SGCA: variants seen among roughly 807,000 people sequenced by gnomAD.
The protein encoded by SGCA is sarcoglycan alpha, also known as alpha-sarcoglycan.
Under a neutral mutation model 38.1 loss-of-function variants are expected in SGCA, and 34 were observed. That is an observed-to-expected ratio of 0.89 (90% CI 0.68 to 1.19). The LOEUF (loss-of-function observed/expected upper bound fraction) is 1.19, where lower values mean the gene tolerates loss of function less well. Ranked by LOEUF, SGCA falls within the 50% of genes most tolerant of loss-of-function variation. The probability of loss-of-function intolerance (pLI) is 0.00; values close to 1 mark genes in which losing one functional copy is unlikely to be tolerated. For missense variants in SGCA, 476 were observed against 524.9 expected, an observed-to-expected ratio of 0.91 and a Z score of 0.91; for synonymous variants, 209 against 214.6, an observed-to-expected ratio of 0.97 and a Z score of 0.23.
intron 8 of SGCA, among the ~76,000 whole-genome samples, chr17:50,173,873 G>T (rs987558210): frequency 2.0e-5 from 3 of 152,194 alleles, no homozygotes; most frequent in Admixed American, 2.0e-4. Flanking sequence ...GGTCTTTTCT[G>T]CAGTCTAAAC....
rs368522117 is a variant in SGCA, at chr17:50,170,664, C to T, written c.981C>T (p.Ser327=). Residue 327 remains serine (S), a splice_region_variant and synonymous_variant, in exon 8 of 10, where the codon TCC becomes TCT. Coordinates refer to ENST00000262018, the MANE Select transcript of SGCA (RefSeq NM_000023.4). ...GGCTGAAGAGAGACCTGGCTACCTCCGAGTGAGTAAAGGAAAGCTGGGGGT... is the reference window on the plus strand; with the variant it reads ...GGCTGAAGAGAGACCTGGCTACCTCTGAGTGAGTAAAGGAAAGCTGGGGGT... ...EGRLKRDLAT[S]DIQMVHHCTI... 82 of 1,560,020 alleles carry T rather than the reference C, an allele frequency of 5.3e-5. No individual in the cohort carries two copies. Among genetic ancestry groups the T allele is most frequent in the African/African-American group, 2.9e-4 (21 of 73,588 alleles).
intron 1 of SGCA, among the ~76,000 whole-genome samples, chr17:50,166,819 T>TCA (rs141068814): frequency 0.058 from 3,207 of 55,418 alleles, 211 homozygotes; most frequent in African/African-American, 0.094. Flanking sequence ...ACACACACCG[T>TCA]CACACACACA....
At chr17:50,172,392 G>A (rs1389222429) in intron 8 of SGCA, 1 of 429,398 alleles carries the variant, frequency 2.3e-6, no homozygotes, top group Non-Finnish European at 4.8e-6. Context: ...GTGTCCTGGG[G>A]AGGAGGGCTG....
At chr17:50,169,332 C>G in intron 6 of SGCA, 78 bp downstream of exon 6, 1 of 1,269,158 alleles carries the variant, frequency 7.9e-7, no homozygotes, top group Non-Finnish European at 1.1e-6. Context: ...CATGCTGCTT[C>G]CTATCTCCGT....
At chr17:50,173,444 C>A (rs898160066) in intron 8 of SGCA, among the ~76,000 whole-genome samples, 1 of 75,410 alleles carries the variant, frequency 1.3e-5, no homozygotes, top group African/African-American at 3.2e-5. Flanking sequence ...GGAATGCCTG[C>A]CGTTTGTCTG....
chr17:50,172,427 T>G (rs1482756158), intron 8 of SGCA: 1 of 402,538 alleles, frequency 2.5e-6, no homozygotes, highest in Non-Finnish European at 5.1e-6. Context: ...ACAGCGGGCC[T>G]GCACGGTGCG....
At chr17:50,172,139 C>T (rs759406401) in intron 8 of SGCA, 10 of 456,656 alleles carry the variant, frequency 2.2e-5, no homozygotes, top group South Asian at 6.2e-5. Context: ...TCCTGGTCCT[C>T]GCTGAGGCTT....
In SGCA at chr17:50,169,595, G is replaced by A. The variant is rs141198630; in HGVS notation, c.747+341G>A. 4.2e-4 allele frequency: 150 copies of A among 359,294 alleles called. 1 individual carries two copies. The highest frequency in any genetic ancestry group is 2.3e-3 in the African/African-American group (111 of 48,810). The allele number at this position is 359,294 out of a possible 1,614,324, so 22.3% of individuals were successfully genotyped here. On this transcript the variant is annotated intron_variant, in intron 6 of 9. Coordinates refer to ENST00000262018, the MANE Select transcript of SGCA (RefSeq NM_000023.4). ...CCCTTTCCCTACCAAGGGCCTCTGC[G>A]TGACAGCTCTGTCTGCTTTTCTGTA...
intron 8 of SGCA, chr17:50,171,914 C>T (rs767590288): frequency 5.9e-5 from 27 of 456,642 alleles, no homozygotes; most frequent in Non-Finnish European, 1.0e-4. Flanking sequence ...GGCACAGGTG[C>T]GTTGCCCAGT....
rs911587929 is a variant in SGCA, at chr17:50,169,490, G to A, written c.747+236G>A. The stretch of plus-strand genomic sequence containing the variant: ...CCCCCACAAGAGGGCAACAGAGTCC[G>A]CAATCCGCATGTGGGGTCTCCAACT... On this transcript the variant is annotated intron_variant, in intron 6 of 9. Transcript: ENST00000262018. 6.3e-5 allele frequency: 35 copies of A among 551,566 alleles called. No individual in the cohort carries two copies. The East Asian group carries it at 6.4e-4, about 10-fold the overall frequency. 34.2% of individuals were successfully genotyped at this position (551,566 alleles called of 1,614,324 possible). A position where few individuals can be genotyped will look rare whatever the true frequency, so the allele number is the denominator to read the frequency against.
intron 6 of SGCA, chr17:50,169,569 A>C: frequency 2.5e-6 from 1 of 402,260 alleles, no homozygotes; most frequent in South Asian, 3.5e-5. Flanking sequence ...CAGTTCCCAA[A>C]CCCTTTCCCT....
intron 8 of SGCA, chr17:50,172,088 A>G (rs1334163966): frequency 2.2e-6 from 1 of 454,484 alleles, no homozygotes; most frequent in South Asian, 1.6e-5. Flanking sequence ...GGAAGTCTCC[A>G]CTGGGCTGCC....
rs1905045966 is a variant in SGCA at position 50,167,785 on chromosome 17, T to A, written c.312+49T>A. The A allele has an allele frequency of 6.3e-7, 1 of 1,594,090 alleles. No individual in the cohort carries two copies. Among genetic ancestry groups the A allele is most frequent in the African/African-American group, 1.3e-5 (1 of 74,306 alleles). On this transcript the variant is annotated intron_variant, in intron 3 of 9. Coordinates refer to ENST00000262018, the MANE Select transcript of SGCA (RefSeq NM_000023.4). This position sits in a 1 kb window ranked among gnomAD's most constrained non-coding sequence, Gnocchi z 4.5. ...ATCACAGGGGTGGGCCAGAGTGGCC[T>A]CCTAGGAGCAGCCCTATGAATTGGG...
intron 4 of SGCA, 84 bp from the exon 5 acceptor site, chr17:50,168,290 G>A: frequency 8.3e-7 from 1 of 1,207,090 alleles, no homozygotes; most frequent in South Asian, 1.3e-5. Flanking sequence ...GGGTGTGCAG[G>A]GATGTGGGGA....
chr17:50,169,085 G>A lies in SGCA; in HGVS notation c.585-7G>A, dbSNP rs759387828. 1 of 1,613,642 alleles carries A rather than the reference G, an allele frequency of 6.2e-7. No homozygotes were observed. ...CTCTGCTGACAGTGACTTCTATCTGGTCCCAGGGTATACATTAAGGTGGGT... is the reference window on the plus strand; with the variant it reads ...CTCTGCTGACAGTGACTTCTATCTGATCCCAGGGTATACATTAAGGTGGGT... On this transcript the variant is annotated splice_region_variant and splice_polypyrimidine_tract_variant and intron_variant, in intron 5 of 9. Coordinates refer to ENST00000262018, the MANE Select transcript of SGCA (RefSeq NM_000023.4).
chr17:50,175,673 C>G (rs1376645639), intron 9 of SGCA, 39 bp from the exon 10 acceptor site: 3 of 679,228 alleles, frequency 4.4e-6, no homozygotes, highest in Non-Finnish European at 5.4e-6. Flanking sequence ...GGAGAACCAG[C>G]ATCTGGCCCT....
At chr17:50,166,697 C>T (rs1904840627) in intron 1 of SGCA, among the ~76,000 whole-genome samples, 1 of 148,130 alleles carries the variant, frequency 6.8e-6, no homozygotes, top group Admixed American at 6.7e-5. Flanking sequence ...CCCTCACACA[C>T]ACCCTCACGG....
intron 6 of SGCA, 105 bp downstream of exon 6, chr17:50,169,359 G>T (rs746842113): frequency 1.0e-6 from 1 of 1,004,160 alleles, no homozygotes; most frequent in East Asian, 2.6e-5. Flanking sequence ...GATTGCTCCA[G>T]TCACCATTTC....
At chr17:50,171,279 A>G in intron 8 of SGCA, 1 of 354,234 alleles carries the variant, frequency 2.8e-6, no homozygotes, top group South Asian at 2.1e-5. Flanking sequence ...GCTGGTGTCT[A>G]TGAGTGCTTC....
Sources: gnomAD v4.1 joint callset for allele counts (sites outside exome capture counted in the v4.1 genomes callset) on GRCh38, gnomAD v4.1.1 for gene constraint, Gnocchi (gnomAD v3.1) non-coding constraint, MANE v1.5 for transcripts, NCBI Gene and HGNC (gene_info 2026-07-23, HGNC 2026-07-21) for gene names.